ARFGEF1: variants seen among roughly 807,000 people sequenced by gnomAD.
ARFGEF1 encodes the protein ARF guanine nucleotide exchange factor 1, also known as brefeldin A-inhibited guanine nucleotide-exchange protein 1.
In ARFGEF1, 42 loss-of-function variants were observed where a neutral mutation model predicts 231.0. The observed-to-expected ratio is 0.18, with a 90% confidence interval of 0.14 to 0.24. The LOEUF is 0.24. ARFGEF1 is among the 10% of genes least tolerant of loss of function. The probability of loss-of-function intolerance (pLI) is 1.00; values close to 1 mark genes in which losing one functional copy is unlikely to be tolerated. For synonymous variants in ARFGEF1, 710 were observed against 732.3 expected (o/e 0.97, Z 0.49); for missense variants, 1,345 against 2,192.0 (o/e 0.61, Z 7.72).
chr8:67,257,270 A>G (rs892576638), intron 17 of ARFGEF1, among the ~76,000 whole-genome samples: 1 of 152,040 alleles, frequency 6.6e-6, no homozygotes, highest in African/African-American at 2.4e-5. Context: ...TTGTAGAGAC[A>G]GGGTTTCATC....
chr8:67,296,654 C>CTT (rs369652334), intron 4 of ARFGEF1, 44 bp from the exon 5 acceptor site: 734 of 1,161,834 alleles, frequency 6.3e-4, no homozygotes, highest in South Asian at 1.3e-3. Flanking sequence ...TTTTCTTTTT[C>CTT]TTTTTTTTTT....
In ARFGEF1 at chr8:67,198,744, TAAC is replaced by T. The variant is rs1192608358; in HGVS notation, c.*187_*189del. 6.5e-6 allele frequency: 9 copies of T among 1,380,640 alleles called. No homozygotes were observed. The highest frequency in any genetic ancestry group is 7.5e-6 in the Non-Finnish European group (8 of 1,070,786). The allele number at this position is 1,380,640 out of a possible 1,614,324, so 85.5% of individuals were successfully genotyped here. A position where few individuals can be genotyped will look rare whatever the true frequency, so the allele number is the denominator to read the frequency against. On this transcript the variant is annotated 3_prime_UTR_variant, in exon 39 of 39. Transcript: ENST00000262215. ...CTTTCTGCTCAACATGAGGCCAATATAACACACAAAATCCACCAGCACTAAAAG... is the reference window on the plus strand; with the variant it reads ...CTTTCTGCTCAACATGAGGCCAATATACACAAAATCCACCAGCACTAAAAG...
intron 34 of ARFGEF1, among the ~76,000 whole-genome samples, chr8:67,210,498 C>A (rs1312897621): frequency 6.6e-6 from 1 of 151,786 alleles, no homozygotes; most frequent in Non-Finnish European, 1.5e-5. Context: ...AAAACAACAA[C>A]AAAAACAAGT....
chr8:67,177,970 C>T lies in ARFGEF1; in HGVS notation c.561-2398G>A, dbSNP rs1473816318. 3.3e-5 allele frequency among the ~76,000 whole-genome samples: 5 copies of T among 152,142 alleles called. No homozygotes were observed. The East Asian group carries it at 9.6e-4, about 29-fold the overall frequency. On this transcript the variant is annotated intron_variant, in intron 5 of 5. Coordinates refer to the ARFGEF1 transcript ENST00000518789. ...AGTGAGTCTATTTTTAGCTGCGTGA[C>T]TTAGGGCAAGTTATTTAATCTCTTT...
At chr8:67,279,191 CCTAT>C (rs1805434849) in intron 7 of ARFGEF1, among the ~76,000 whole-genome samples, 1 of 151,990 alleles carries the variant, frequency 6.6e-6, no homozygotes, top group South Asian at 2.1e-4. Context: ...AAACTGAGTT[CCTAT>C]CTCATTCCCC....
rs773532182 is a variant in ARFGEF1, at chr8:67,199,018, A to G, written c.5466T>C (p.Val1822=). Residue 1822 remains valine, a synonymous_variant, in exon 39 of 39, where the codon GTT becomes GTC. Transcript: ENST00000262215. ...CGATTCGCAGAAAAAATCTTCTAAG[A>G]ACAGCACGAAGTTCAGGAATCAAGT... is the stretch of plus-strand genomic sequence containing the variant. ...QFDLIPELRA[V]LRRFFLRIGV... 17 of 1,613,256 alleles carry G rather than the reference A, an allele frequency of 1.1e-5. No individual in the cohort carries two copies. The highest frequency in any genetic ancestry group is 1.2e-5 in the Non-Finnish European group (14 of 1,179,846).
At position 67,302,474 on chromosome 8, in the gene ARFGEF1, GAAA is replaced by G; in HGVS notation, c.125-11_125-9del. 1 of 1,529,330 alleles carries G rather than the reference GAAA, an allele frequency of 6.5e-7. No individual in the cohort carries two copies. The highest frequency in any genetic ancestry group is 8.8e-7 in the Non-Finnish European group (1 of 1,138,300). 94.7% of individuals were successfully genotyped at this position (1,529,330 alleles called of 1,614,324 possible). On this transcript the variant is annotated splice_polypyrimidine_tract_variant and intron_variant, in intron 1 of 38. Coordinates refer to ENST00000262215, the MANE Select transcript of ARFGEF1 (RefSeq NM_006421.5). The stretch of plus-strand genomic sequence containing the variant: ...TTTCCGCTTTTATTTCCTCTGAGGG[GAAA>G]AAAAAAGAAGCATACATTAGAAAAC...
intron 3 of ARFGEF1, among the ~76,000 whole-genome samples, chr8:67,300,105 C>G (rs1206371436): frequency 6.6e-6 from 1 of 152,044 alleles, no homozygotes; most frequent in African/African-American, 2.4e-5. Context: ...TGTATAAAAC[C>G]CAGTTTCCAT....
At chr8:67,227,749 T>A (rs553456979) in intron 25 of ARFGEF1, 151 bp from the exon 26 acceptor site, 2 of 945,810 alleles carry the variant, frequency 2.1e-6, no homozygotes, top group Admixed American at 6.3e-5. Context: ...TAAAACTATT[T>A]CTCAACAAGA....
intron 7 of ARFGEF1, among the ~76,000 whole-genome samples, chr8:67,284,009 T>C (rs1805645671): frequency 6.6e-6 from 1 of 152,150 alleles, no homozygotes; most frequent in Non-Finnish European, 1.5e-5. Flanking sequence ...TCCATAAATA[T>C]GAAACAATAC....
rs548335675 is a variant in ARFGEF1 at position 67,279,269 on chromosome 8, C to T, written c.1028-1812G>A. 2.6e-5 allele frequency among the ~76,000 whole-genome samples: 4 copies of T among 152,210 alleles called. No homozygotes were observed. The East Asian group carries it at 7.7e-4, about 29-fold the overall frequency. On this transcript the variant is annotated intron_variant, in intron 7 of 38. Coordinates refer to ENST00000262215, the MANE Select transcript of ARFGEF1 (RefSeq NM_006421.5). ...TTACATCTCTTCCTATGATTCTCTC[C>T]CCACCTCCCCTTAACAAATGACTTC...
intron 22 of ARFGEF1, among the ~76,000 whole-genome samples, chr8:67,236,341 A>G (rs1381695798): frequency 1.2e-5 from 1 of 83,364 alleles, no homozygotes; most frequent in Non-Finnish European, 2.3e-5. Flanking sequence ...AAAAAAAAAG[A>G]TATTAGTTAA....
rs76940878 is a variant in ARFGEF1 at position 67,255,875 on chromosome 8, G to T, written c.2526+1857C>A. On this transcript the variant is annotated intron_variant, in intron 17 of 38. Transcript: ENST00000262215. ...TTGTGAAGGTAATACTCCCTAACTG[G>T]TATGTCCTTAGAAACTTTTCACAGT... Among the ~76,000 whole-genome samples the T allele has an allele frequency of 5.4e-3, 819 of 152,280 alleles. 11 individuals carry two copies. The highest frequency in any genetic ancestry group is 0.019 in the African/African-American group (783 of 41,562).
At chr8:67,341,035 A>G (rs950509768) in intron 1 of ARFGEF1, among the ~76,000 whole-genome samples, 1 of 152,160 alleles carries the variant, frequency 6.6e-6, no homozygotes, top group African/African-American at 2.4e-5. Context: ...TGACCATACA[A>G]TCATTAAGTT....
chr8:67,314,805 A>T (rs1361984506), intron 1 of ARFGEF1, among the ~76,000 whole-genome samples: 1 of 152,140 alleles, frequency 6.6e-6, no homozygotes, highest in Non-Finnish European at 1.5e-5. Context: ...GTCCTCCATG[A>T]TCCCAAAATC....
At chr8:67,195,557 T>G (rs749332092), downstream of ARFGEF1, 10 of 1,614,090 alleles carry the variant, frequency 6.2e-6, no homozygotes, top group Admixed American at 1.7e-4. Context: ...AACCAGGCAC[T>G]TTCACTTGGC....
At chr8:67,302,488 C>T in intron 1 of ARFGEF1, 22 bp from the exon 2 acceptor site, 1 of 1,545,196 alleles carries the variant, frequency 6.5e-7, no homozygotes, top group Admixed American at 2.1e-5. Flanking sequence ...AAAAAAGAAG[C>T]ATACATTAGA....
At chr8:67,329,378 A>C (rs1394875267) in intron 1 of ARFGEF1, among the ~76,000 whole-genome samples, 3 of 151,178 alleles carry the variant, frequency 2.0e-5, no homozygotes, top group Admixed American at 2.0e-4. Context: ...AAATACAAAA[A>C]ATTAGTCAGG....
chr8:67,274,051 T>A (rs1240709472), intron 9 of ARFGEF1, among the ~76,000 whole-genome samples: 1 of 152,196 alleles, frequency 6.6e-6, no homozygotes, highest in Non-Finnish European at 1.5e-5. Flanking sequence ...CTTATTCTTG[T>A]ATTCATCCAT....
Sources: gnomAD v4.1 joint callset for allele counts (sites outside exome capture counted in the v4.1 genomes callset) on GRCh38, gnomAD v4.1.1 for gene constraint, MANE v1.5 for transcripts, NCBI Gene and HGNC (gene_info 2026-07-23, HGNC 2026-07-21) for gene names.